The following PASK variants were observed in gnomAD, a reference collection of about 807,000 sequenced individuals.
The protein encoded by PASK is PAS domain-containing serine/threonine-protein kinase.
PASK carries 110 observed loss-of-function variants against 121.0 expected under a neutral mutation model. That is an observed-to-expected ratio of 0.91 (90% CI 0.78 to 1.06). The LOEUF is 1.06. Among genes scored for constraint, PASK ranks in the 50% least tolerant of loss-of-function variants. The pLI is 0.00. For missense variants in PASK, 1,643 were observed against 1,702.3 expected (o/e 0.97, Z 0.61); for synonymous variants, 686 against 717.8 (o/e 0.96, Z 0.71).
At chr2:241,116,799 T>C (rs2041083) in intron 12 of PASK, among the ~76,000 whole-genome samples, 48,468 of 152,140 alleles carry the variant, frequency 0.32, 11,339 homozygotes, top group African/African-American at 0.64. Flanking sequence ...GAAGGAGCGA[T>C]GGGCAACCCA....
chr2:241,115,466 C>T, intron 12 of PASK, 53 bp from the exon 13 acceptor site: 2 of 1,608,678 alleles, frequency 1.2e-6, no homozygotes, highest in Non-Finnish European at 1.7e-6. Context: ...CCTCAAGCAT[C>T]CCATTGCACC....
upstream of PASK, chr2:241,149,987 G>C (rs2067208998): frequency 7.1e-7 from 1 of 1,416,814 alleles, no homozygotes; most frequent in Non-Finnish European, 9.2e-7. Flanking sequence ...GACGCCGGGA[G>C]AATGTTGTTG....
rs367981780 is a variant in PASK, at chr2:241,112,480, T to G, written c.3334-41A>C. The G allele has an allele frequency of 5.8e-5, 79 of 1,351,970 alleles. No individual in the cohort carries two copies. The African/African-American group carries it at 9.6e-4, about 16-fold the overall frequency. 83.7% of individuals were successfully genotyped at this position (1,351,970 alleles called of 1,614,324 possible). On this transcript the variant is annotated intron_variant, in intron 14 of 17. Coordinates refer to ENST00000234040, the MANE Select transcript of PASK (RefSeq NM_015148.4). This position sits in a 1 kb window ranked among gnomAD's most constrained non-coding sequence, Gnocchi z 5.2. ...CAGAGGGGGCTTTTTAAAAAAGCAA[T>G]TCAACTAAAATATGCATTTAAAATA...
intron 4 of PASK, among the ~76,000 whole-genome samples, chr2:241,139,249 C>G (rs1226350972): frequency 1.3e-5 from 2 of 152,226 alleles, no homozygotes; most frequent in African/African-American, 4.8e-5. Context: ...CCTGGAGGAT[C>G]TGGATGACTA....
intron 9 of PASK, among the ~76,000 whole-genome samples, chr2:241,128,685 A>C (rs2065985571): frequency 6.6e-6 from 1 of 152,098 alleles, no homozygotes; most frequent in Non-Finnish European, 1.5e-5. Context: ...TGGGCAACAT[A>C]GTGAGACCTC....
rs1290698406 is a variant in PASK at position 241,122,883 on chromosome 2, G to A, written c.2921C>T (p.Pro974Leu). 6.2e-7 allele frequency: 1 copy of A among 1,614,026 alleles called. No individual in the cohort carries two copies. Among genetic ancestry groups the A allele is most frequent in the East Asian group, 2.2e-5 (1 of 44,862 alleles). Residue 974 changes from proline to leucine, a missense_variant, in exon 12 of 18, where the codon CCC becomes CTC. Transcript: ENST00000234040. Reference sequence around the variant, plus strand: ...AGCCTTGGGGGGCTCCTCAAACCAGGGTCTGGCTCTGAGCACCTGCAATGC... The same window carrying A: ...AGCCTTGGGGGGCTCCTCAAACCAGAGTCTGGCTCTGAGCACCTGCAATGC... ...PSLVEVLRAR[P>L]WFEEPPKAVE... is the part of the protein sequence containing the mutation.
At chr2:241,114,146 A>G (rs1264906098) in intron 14 of PASK, 3 of 985,132 alleles carry the variant, frequency 3.0e-6, no homozygotes, top group South Asian at 4.7e-5. Flanking sequence ...GTTGGCCACA[A>G]ACTAAAGGGA....
At chr2:241,133,207 C>CGA (rs2066249197) in intron 8 of PASK, 177 bp from the exon 9 acceptor site, 5 of 683,110 alleles carry the variant, frequency 7.3e-6, no homozygotes, top group Admixed American at 2.1e-5. Context: ...TCCTGTCTCC[C>CGA]TGCTCCTTGG....
At chr2:241,136,239 C>T (rs2066425672) in intron 7 of PASK, among the ~76,000 whole-genome samples, 200 bp from the exon 8 acceptor site, 1 of 152,224 alleles carries the variant, frequency 6.6e-6, no homozygotes, top group South Asian at 2.1e-4. Context: ...TGATTTTCCC[C>T]TTAAGAAAAA....
intron 8 of PASK, among the ~76,000 whole-genome samples, chr2:241,135,170 G>A (rs1165071412): frequency 2.6e-5 from 4 of 152,236 alleles, no homozygotes; most frequent in African/African-American, 9.7e-5. Context: ...GCATATGAAA[G>A]GGACTCGGAG....
chr2:241,137,302 T>A, intron 6 of PASK, 38 bp from the exon 7 acceptor site: 3 of 1,591,830 alleles, frequency 1.9e-6, no homozygotes, highest in Non-Finnish European at 2.6e-6. Flanking sequence ...AAGCCGTGTT[T>A]CACGTGGACA....
At position 241,126,367 on chromosome 2, in the gene PASK, T is replaced by C. The variant is rs757530228; in HGVS notation, c.2548A>G (p.Thr850Ala). The C allele has an allele frequency of 1.2e-6, 2 of 1,614,098 alleles. No individual in the cohort carries two copies. Among genetic ancestry groups the C allele is most frequent in the Non-Finnish European group, 1.7e-6 (2 of 1,180,046 alleles). The change falls in exon 10 of 18, where the codon ACG becomes GCG. Residue 850 changes from threonine to alanine, a missense_variant. Thr to Ala is a moderately conservative substitution (Grantham distance 58). This residue lies in a region of PASK where 1,176 missense variants were observed against 1,162.2 expected (regional missense o/e 1.01). Transcript: ENST00000234040. ...GTGTCCTCAGGGCCAGCATCCAACG[T>C]GGAAGGAACGTGTCCTGGGCTTTCT... ...DRESPGHVPS[T>A]LDAGPEDTCP...
intron 7 of PASK, 46 bp downstream of exon 7, chr2:241,136,958 A>T (rs1374951351): frequency 8.8e-6 from 14 of 1,588,662 alleles, no homozygotes; most frequent in Admixed American, 1.7e-5. Flanking sequence ...AGAGCACAGC[A>T]GCTTCCTCCC....
At chr2:241,118,148 A>G (rs2065453764) in intron 12 of PASK, among the ~76,000 whole-genome samples, 1 of 152,164 alleles carries the variant, frequency 6.6e-6, no homozygotes, top group Non-Finnish European at 1.5e-5. Context: ...CAAAACTGAC[A>G]AGCTCATCCT....
intron 11 of PASK, among the ~76,000 whole-genome samples, chr2:241,123,201 A>C (rs1575269095): frequency 7.4e-6 from 1 of 134,462 alleles, no homozygotes; most frequent in African/African-American, 2.8e-5. Context: ...TTTTAGACGG[A>C]GTCTGGCTCT....
Position 241,137,022 on chromosome 2 carries a change from C to T in PASK, c.1119G>A (p.Lys373=). The T allele has an allele frequency of 6.2e-7, 1 of 1,613,394 alleles. No homozygotes were observed. ...SFALTLFGYG[K]TELLGKNITF... ...GCCCCACCTTGCCCAGGAGCTCCGT[C>T]TTTCCGTAACCAAACAGTGTCAGCG... The change falls in exon 7 of 18, where the codon AAG becomes AAA. Residue 373 remains lysine (K), a synonymous_variant. Coordinates refer to ENST00000234040, the MANE Select transcript of PASK (RefSeq NM_015148.4).
chr2:241,142,860 C>A lies in PASK; in HGVS notation c.173G>T (p.Cys58Phe). 1 of 1,613,650 alleles carries A rather than the reference C, an allele frequency of 6.2e-7. No homozygotes were observed. The highest frequency in any genetic ancestry group is 2.2e-5 in the East Asian group (1 of 44,872). Residue 58 changes from cysteine (C) to phenylalanine (F), a missense_variant, in exon 2 of 18, where the codon TGC (cysteine) becomes TTC (phenylalanine). By Grantham distance (205) the Cys-to-Phe change is radical (BLOSUM62 -2). Transcript: ENST00000234040. ...LSRRNGLSRL[C>F]QSRTALSEDR... is the part of the protein sequence containing the mutation. ...ACCAGAGAGCGCTGTCCTGCTCTGG[C>A]AGAGTCTGGAAAGCCCATTCCTTCT...
intron 9 of PASK, among the ~76,000 whole-genome samples, chr2:241,132,204 C>T (rs967259800): frequency 6.6e-6 from 1 of 151,904 alleles, no homozygotes; most frequent in Non-Finnish European, 1.5e-5. Flanking sequence ...TTTCTTTACT[C>T]TAAATAGAAT....
In PASK at chr2:241,135,916, T is replaced by G; in HGVS notation, c.1261A>C (p.Thr421Pro). Residue 421 changes from threonine to proline, a missense_variant, in exon 8 of 18, where the codon ACC becomes CCC. Thr to Pro is a conservative substitution (Grantham distance 38). Transcript: ENST00000234040. The stretch of plus-strand genomic sequence containing the variant: ...TCCTGGCCCTGCCACGGGTCCAAGG[T>G]TCTCTCCCCACACCCACTCTCATTG... ...VGNESGCGER[T>P]LDPWQGQDPA... The G allele has an allele frequency of 6.2e-7, 1 of 1,614,100 alleles. No individual in the cohort carries two copies. The highest frequency in any genetic ancestry group is 8.5e-7 in the Non-Finnish European group (1 of 1,180,000).
Sources: allele counts gnomAD v4.1 joint callset (sites outside exome capture counted in the v4.1 genomes callset), GRCh38; gene constraint gnomAD v4.1.1; regional missense constraint gnomAD v4.1.1; non-coding constraint Gnocchi (gnomAD v3.1); transcripts MANE v1.5; gene names NCBI Gene and HGNC (gene_info 2026-07-23, HGNC 2026-07-21).